Variants in RRP1 observed in about 807,000 individuals in gnomAD.
RRP1 encodes ribosomal RNA processing 1.
Under a neutral mutation model 54.6 loss-of-function variants are expected in RRP1, and 37 were observed. The observed-to-expected ratio is 0.68, with a 90% CI of 0.52 to 0.89. RRP1 has a LOEUF of 0.89. Among genes scored for constraint, RRP1 ranks in the 40% least tolerant of loss-of-function variants. The pLI is 0.00. For synonymous variants in RRP1, 262 were observed against 244.3 expected (o/e 1.07, Z -0.67); for missense variants, 639 against 612.5 (o/e 1.04, Z -0.46).
rs759815874 is a variant in RRP1 at position 43,803,641 on chromosome 21, T to A, written c.1253T>A (p.Leu418His). 20 of 1,551,182 alleles carry A rather than the reference T, an allele frequency of 1.3e-5. No individual in the cohort carries two copies. The highest frequency in any genetic ancestry group is 1.7e-5 in the Non-Finnish European group (20 of 1,147,900). ...CCAGGCACAGCTGAGCGGGCCCTGC[T>A]CCGAGATCAGCCCAGGGGCCGTGGC... is the stretch of plus-strand genomic sequence containing the variant. ...EQPGTAERAL[L>H]RDQPRGRGQR... Residue 418 changes from leucine to histidine, a missense_variant, in exon 13 of 13, where the codon CTC becomes CAC. By Grantham distance (99) the Leu-to-His change is moderately conservative (BLOSUM62 -3). Coordinates refer to ENST00000497547, the MANE Select transcript of RRP1 (RefSeq NM_003683.6).
chr21:43,791,232 T>A (rs1601865198), intron 1 of RRP1, 118 bp from the exon 2 acceptor site: 2 of 1,019,040 alleles, frequency 2.0e-6, no homozygotes, highest in Non-Finnish European at 3.1e-6. Context: ...TGCCCCCCAG[T>A]TGCCTTTACC....
chr21:43,795,295 G>T, intron 5 of RRP1, 45 bp downstream of exon 5: 1 of 1,575,278 alleles, frequency 6.3e-7, no homozygotes, highest in South Asian at 1.1e-5. Flanking sequence ...TGTTCTCGGG[G>T]ACCGCAGTCG....
At chr21:43,793,136 G>A (rs1354960181) in intron 3 of RRP1, 183 bp from the exon 4 acceptor site, 1 of 606,318 alleles carries the variant, frequency 1.6e-6, no homozygotes, top group Non-Finnish European at 2.9e-6. Context: ...CACTTGAGGA[G>A]CCTCTAAAAA....
Position 43,798,039 on chromosome 21 carries a change from C to T in RRP1, c.750C>T (p.Ser250=). The part of the protein sequence containing the change: ...DEEVASDSDE[S]SEGGERGDAL... Reference sequence around the variant, plus strand: ...AGGTGGCGTCGGACAGTGATGAGTCCTCTGAGGGTGGTGAGCGTGGAGACG... The same window carrying T: ...AGGTGGCGTCGGACAGTGATGAGTCTTCTGAGGGTGGTGAGCGTGGAGACG... The change falls in exon 8 of 13, where the codon TCC becomes TCT. Residue 250 remains serine, a synonymous_variant. Coordinates refer to ENST00000497547, the MANE Select transcript of RRP1 (RefSeq NM_003683.6). 2 of 1,614,146 alleles carry T rather than the reference C, an allele frequency of 1.2e-6. No homozygotes were observed. The highest frequency in any genetic ancestry group is 2.2e-5 in the East Asian group (1 of 44,878).
At chr21:43,802,092 C>A (rs1051780068) in intron 11 of RRP1, among the ~76,000 whole-genome samples, 182 bp from the exon 12 acceptor site, 6 of 152,162 alleles carry the variant, frequency 3.9e-5, no homozygotes, top group African/African-American at 1.2e-4. Flanking sequence ...GGGCTTGGGT[C>A]TCAGCTGGTT....
Position 43,802,383 on chromosome 21 carries a change from G to C in RRP1, c.1119G>C (p.Glu373Asp). ...AGCGTCTGCTCAGGTTGCAGCAGGA[G>C]AGAGGTAGGACTAGGGGGTGTGTTA... is the stretch of plus-strand genomic sequence containing the variant. ...KQKRLLRLQQ[E>D]RGKGEKEPPS... Residue 373 changes from glutamate to aspartate, a missense_variant, in exon 12 of 13, where the codon GAG (glutamate) becomes GAC (aspartate). Physicochemically the swap from Glu to Asp is conservative, Grantham distance 45 (BLOSUM62 2). Coordinates refer to ENST00000497547, the MANE Select transcript of RRP1 (RefSeq NM_003683.6). The C allele has an allele frequency of 6.2e-7, 1 of 1,613,512 alleles. No individual in the cohort carries two copies. Among genetic ancestry groups the C allele is most frequent in the East Asian group, 2.2e-5 (1 of 44,878 alleles).
At chr21:43,801,133 CAG>C (rs1380041180) in intron 11 of RRP1, among the ~76,000 whole-genome samples, 3 of 152,198 alleles carry the variant, frequency 2.0e-5, no homozygotes, top group East Asian at 1.9e-4. Context: ...GTGCTGGCCT[CAG>C]GGGCTCCCAA....
chr21:43,797,740 T>C (rs1484535913), intron 7 of RRP1, 45 bp downstream of exon 7: 7 of 1,605,690 alleles, frequency 4.4e-6, no homozygotes, highest in Admixed American at 1.7e-5. Flanking sequence ...TTCACTGAGT[T>C]CTTCCATGGG....
chr21:43,800,981 C>G, intron 11 of RRP1, 100 bp downstream of exon 11: 1 of 1,285,920 alleles, frequency 7.8e-7, no homozygotes. Context: ...CACGTGGAGT[C>G]TCTTTGCAGA....
Position 43,798,020 on chromosome 21 carries a change from C to G in RRP1, c.731C>G (p.Ala244Gly). 6.2e-7 allele frequency: 1 copy of G among 1,614,144 alleles called. No individual in the cohort carries two copies. The highest frequency in any genetic ancestry group is 8.5e-7 in the Non-Finnish European group (1 of 1,180,006). The change falls in exon 8 of 13, where the codon GCG becomes GGG. Residue 244 changes from alanine (A) to glycine (G), a missense_variant. By Grantham distance (60) the Ala-to-Gly change is moderately conservative (BLOSUM62 0). Transcript: ENST00000497547. ...CTGGACACACAGGATGAGGAGGTGG[C>G]GTCGGACAGTGATGAGTCCTCTGAG... ...NELDTQDEEV[A>G]SDSDESSEGG...
chr21:43,791,574 CT>C, intron 2 of RRP1, 142 bp downstream of exon 2: 1 of 709,528 alleles, frequency 1.4e-6, no homozygotes, highest in Non-Finnish European at 2.3e-6. Context: ...TCAATCTCGG[CT>C]TACTGCAACC....
chr21:43,794,330 G>A (rs1474921612), intron 4 of RRP1, among the ~76,000 whole-genome samples: 3 of 152,200 alleles, frequency 2.0e-5, no homozygotes, highest in African/African-American at 7.2e-5. Context: ...CTACTGTTTT[G>A]CTGAGATGTG....
intron 5 of RRP1, among the ~76,000 whole-genome samples, chr21:43,797,195 G>GCT (rs1339542873): frequency 3.3e-5 from 5 of 152,226 alleles, no homozygotes; most frequent in Non-Finnish European, 2.9e-5. Context: ...ACGTTCTGGT[G>GCT]GTGGTGCTGG....
chr21:43,800,193 T>C (rs1010075166), intron 9 of RRP1, among the ~76,000 whole-genome samples: 1 of 152,282 alleles, frequency 6.6e-6, no homozygotes, highest in Non-Finnish European at 1.5e-5. Context: ...TTGTTCGTGC[T>C]TGTCTGTGTG....
chr21:43,795,209 C>G lies in RRP1; in HGVS notation c.381C>G (p.Asn127Lys), dbSNP rs749788511. The change falls in exon 5 of 13, where the codon AAC (asparagine) becomes AAG (lysine). Residue 127 changes from asparagine (N) to lysine (K), a missense_variant. By Grantham distance (94) the Asn-to-Lys change is moderately conservative. Coordinates refer to ENST00000497547, the MANE Select transcript of RRP1 (RefSeq NM_003683.6). ...KFYMLMRMVL[N>K]ESLKVLKMQG... is the part of the protein sequence containing the mutation. ...CAAAGCTCATGCGGATGGTCCTGAA[C>G]GAGTCCTTGAAGGTTCTGAAGATGC... 6.2e-7 allele frequency: 1 copy of G among 1,614,032 alleles called. No homozygotes were observed. Among genetic ancestry groups the G allele is most frequent in the African/African-American group, 1.3e-5 (1 of 74,996 alleles).
intron 2 of RRP1, among the ~76,000 whole-genome samples, chr21:43,791,927 A>T (rs2084963973): frequency 1.3e-5 from 2 of 152,072 alleles, no homozygotes; most frequent in African/African-American, 4.8e-5. Flanking sequence ...TGAGGTGTTG[A>T]TGTGATTGAC....
chr21:43,797,169 T>C (rs888579279), intron 5 of RRP1, among the ~76,000 whole-genome samples: 3 of 152,224 alleles, frequency 2.0e-5, no homozygotes, highest in African/African-American at 7.2e-5. Flanking sequence ...GTAGCTGACA[T>C]GCACACTCAG....
Position 43,800,865 on chromosome 21 carries a change from G to C in RRP1, c.993G>C (p.Leu331=). 6.2e-7 allele frequency: 1 copy of C among 1,613,708 alleles called. No homozygotes were observed. Among genetic ancestry groups the C allele is most frequent in the Non-Finnish European group, 8.5e-7 (1 of 1,180,032 alleles). The change falls in exon 11 of 13, where the codon CTG becomes CTC. Residue 331 remains leucine (L), a synonymous_variant. Transcript: ENST00000497547. The stretch of plus-strand genomic sequence containing the variant: ...GGTATCTGTCTTACTCTTTCAGGCT[G>C]CAGGACCTGGCAGGAGGTGAGGATC... ...RKRLYKVIRK[L]QDLAGGIFPE...
chr21:43,803,651 G>C lies in RRP1; in HGVS notation c.1263G>C (p.Gln421His), dbSNP rs762121219. Residue 421 changes from glutamine to histidine, a missense_variant, in exon 13 of 13, where the codon CAG (glutamine) becomes CAC (histidine). Transcript: ENST00000497547. Reference sequence around the variant, plus strand: ...CTGAGCGGGCCCTGCTCCGAGATCAGCCCAGGGGCCGTGGCCAGAGAGGGG... The same window carrying C: ...CTGAGCGGGCCCTGCTCCGAGATCACCCCAGGGGCCGTGGCCAGAGAGGGG... ...GTAERALLRD[Q>H]PRGRGQRGAR... 3.2e-6 allele frequency: 5 copies of C among 1,551,392 alleles called. No homozygotes were observed. In the African/African-American group the frequency reaches 5.5e-5, roughly 17 times the overall value.
Sources: gnomAD v4.1 joint callset for allele counts (sites outside exome capture counted in the v4.1 genomes callset) on GRCh38, gnomAD v4.1.1 for gene constraint, MANE v1.5 for transcripts, NCBI Gene and HGNC (gene_info 2026-07-23, HGNC 2026-07-21) for gene names.